PPP1R2: variants seen among roughly 807,000 people sequenced by gnomAD.
PPP1R2 encodes the protein protein phosphatase inhibitor 2.
PPP1R2 carries 16 observed loss-of-function variants against 29.9 expected under a neutral mutation model. The ratio of observed to expected loss-of-function variants is 0.53; its 90% confidence interval spans 0.36 to 0.81. The LOEUF is 0.81. Among genes scored for constraint, PPP1R2 ranks in the 30% least tolerant of loss-of-function variants. PPP1R2 has a pLI of 0.00. For missense variants in PPP1R2, 197 were observed against 252.7 expected (o/e 0.78, Z 1.49); for synonymous variants, 76 against 91.5 (o/e 0.83, Z 0.96).
intron 1 of PPP1R2, among the ~76,000 whole-genome samples, chr3:195,537,781 A>G (rs1006408773): frequency 1.3e-5 from 2 of 152,154 alleles, no homozygotes; most frequent in African/African-American, 2.4e-5. Context: ...CAGAACACTA[A>G]CAGAAAAAAA....
At chr3:195,533,750 T>G (rs956109890) in intron 1 of PPP1R2, among the ~76,000 whole-genome samples, 1 of 152,242 alleles carries the variant, frequency 6.6e-6, no homozygotes, top group Non-Finnish European at 1.5e-5. Flanking sequence ...TTTTGTGAAG[T>G]GCCTTTTGTA....
intron 2 of PPP1R2, among the ~76,000 whole-genome samples, chr3:195,528,403 G>C (rs1371048891): frequency 2.0e-5 from 3 of 152,172 alleles, no homozygotes; most frequent in African/African-American, 7.2e-5. Context: ...TTGAGTTTCA[G>C]CATCTGTACC....
chr3:195,526,273 T>C (rs1718968342), intron 2 of PPP1R2, among the ~76,000 whole-genome samples: 1 of 152,010 alleles, frequency 6.6e-6, no homozygotes, highest in Admixed American at 6.6e-5. Context: ...ATTCTTTTTA[T>C]TTTTTGTAGA....
chr3:195,515,081 A>G lies in PPP1R2; in HGVS notation c.*1815T>C, dbSNP rs530717097. 5.6e-4 allele frequency: 165 copies of G among 295,926 alleles called. 2 individuals carry two copies. The highest frequency in any genetic ancestry group is 5.5e-3 in the South Asian group (156 of 28,344). The allele number at this position is 295,926 out of a possible 1,614,324, so 18.3% of individuals were successfully genotyped here. ...CAAGAAAACCAAAATCAGAGGGTGCATGAATATATGTGCACGCACATGTAC... is the reference window on the plus strand; with the variant it reads ...CAAGAAAACCAAAATCAGAGGGTGCGTGAATATATGTGCACGCACATGTAC... On this transcript the variant is annotated 3_prime_UTR_variant, in exon 6 of 6. Coordinates refer to ENST00000618156, the MANE Select transcript of PPP1R2 (RefSeq NM_006241.8).
intron 4 of PPP1R2, among the ~76,000 whole-genome samples, chr3:195,519,906 G>A (rs548952709): frequency 8.8e-5 from 10 of 113,110 alleles, no homozygotes; most frequent in African/African-American, 3.1e-4. Flanking sequence ...AACTTCCTTA[G>A]ATCAGAAAAT....
At chr3:195,535,002 G>T (rs1046116710) in intron 1 of PPP1R2, among the ~76,000 whole-genome samples, 3 of 152,140 alleles carry the variant, frequency 2.0e-5, no homozygotes, top group Non-Finnish European at 2.9e-5. Flanking sequence ...TCTAGATCGG[G>T]GGTCACAGAG....
intron 1 of PPP1R2, among the ~76,000 whole-genome samples, chr3:195,536,334 T>A (rs2108953018): frequency 6.6e-6 from 1 of 150,376 alleles, no homozygotes; most frequent in African/African-American, 2.4e-5. Context: ...GGATTATAGG[T>A]GTGAGACACC....
rs187354474 is a variant in PPP1R2 at position 195,527,425 on chromosome 3, G to A, written c.230+2369C>T. ...AGATCGTGCCACTGCTCTCCAGCCC[G>A]GGTGACAGAGTGAGACTCTGTCTCA... is the stretch of plus-strand genomic sequence containing the variant. On this transcript the variant is annotated intron_variant, in intron 2 of 5. Coordinates refer to ENST00000618156, the MANE Select transcript of PPP1R2 (RefSeq NM_006241.8). Among the ~76,000 whole-genome samples, 324 of 151,940 alleles carry A rather than the reference G, an allele frequency of 2.1e-3. 1 individual carries two copies. Among genetic ancestry groups the A allele is most frequent in the Admixed American group, 3.5e-3 (54 of 15,260 alleles).
rs915148158 is a variant in PPP1R2, at chr3:195,523,754, T to C, written c.341A>G (p.Tyr114Cys). ...LAAAEGLEPK[Y>C]RIQEQESSGE... is the part of the protein sequence containing the mutation. ...ACTGCTTTCTTGTTCCTGAATCCGATACTTTGGCTCCAAGCCTTCAGCTGC... is the reference window on the plus strand; with the variant it reads ...ACTGCTTTCTTGTTCCTGAATCCGACACTTTGGCTCCAAGCCTTCAGCTGC... The change falls in exon 4 of 6, where the codon TAT (tyrosine) becomes TGT (cysteine). Residue 114 changes from tyrosine to cysteine, a missense_variant. This residue lies in a region of PPP1R2 where 135 missense variants were observed against 163.0 expected (regional missense o/e 0.83). Coordinates refer to ENST00000618156, the MANE Select transcript of PPP1R2 (RefSeq NM_006241.8). 3.7e-6 allele frequency: 6 copies of C among 1,614,088 alleles called. No homozygotes were observed. The African/African-American group carries it at 5.3e-5, about 14-fold the overall frequency.
At chr3:195,537,196 G>A (rs1719421352) in intron 1 of PPP1R2, among the ~76,000 whole-genome samples, 1 of 93,930 alleles carries the variant, frequency 1.1e-5, no homozygotes, top group South Asian at 4.5e-4. Context: ...AGTATATGTA[G>A]TATAAGTTGC....
chr3:195,537,484 TGTGTGTGTGTGTGTG>T, intron 1 of PPP1R2, among the ~76,000 whole-genome samples: 2 of 117,950 alleles, frequency 1.7e-5, no homozygotes, highest in East Asian at 7.4e-4. Context: ...TTAGCTATTG[TGTGTGTGTGTGTGTG>T]TGTGTGTGTG....
chr3:195,543,268 G>A lies in PPP1R2; in HGVS notation c.-243C>T, dbSNP rs992503019. 4 of 405,568 alleles carry A rather than the reference G, an allele frequency of 9.9e-6. No homozygotes were observed. Among genetic ancestry groups the A allele is most frequent in the Non-Finnish European group, 1.7e-5 (4 of 233,086 alleles). The allele number at this position is 405,568 out of a possible 1,614,324, so 25.1% of individuals were successfully genotyped here. On this transcript the variant is annotated 5_prime_UTR_variant, in exon 1 of 6. Transcript: ENST00000618156. ...CCTTAGCCACTGGCACTTGACCCGC[G>A]GCTCGCGGAGAGACGCCGGCCTAGA...
At chr3:195,524,935 T>A (rs375047226) in intron 2 of PPP1R2, 39 bp from the exon 3 acceptor site, 1 of 1,551,870 alleles carries the variant, frequency 6.4e-7, no homozygotes, top group Admixed American at 1.7e-5. Flanking sequence ...ACCTGAAACA[T>A]ACATTTTCAG....
chr3:195,529,995 T>G (rs1275055057), intron 1 of PPP1R2, 94 bp from the exon 2 acceptor site: 4 of 864,214 alleles, frequency 4.6e-6, no homozygotes, highest in Non-Finnish European at 7.2e-6. Context: ...CATTTCAACT[T>G]CTATTTGATG....
intron 5 of PPP1R2, 127 bp from the exon 6 acceptor site, chr3:195,517,069 T>C (rs996694021): frequency 5.9e-5 from 42 of 715,044 alleles, no homozygotes; most frequent in Middle Eastern, 2.4e-4. Flanking sequence ...GTATATTTCA[T>C]GTAGGCTGAT....
chr3:195,516,870 C>T lies in PPP1R2; in HGVS notation c.*26G>A. 1 of 1,600,614 alleles carries T rather than the reference C, an allele frequency of 6.2e-7. No individual in the cohort carries two copies. Among genetic ancestry groups the T allele is most frequent in the Non-Finnish European group, 8.6e-7 (1 of 1,168,280 alleles). On this transcript the variant is annotated 3_prime_UTR_variant, in exon 6 of 6. Coordinates refer to ENST00000618156, the MANE Select transcript of PPP1R2 (RefSeq NM_006241.8). ...AGTCACAGGGTTTACATCTAACAAA[C>T]AATTGCAGTGTTGAACAAATCTCGT...
chr3:195,523,706 G>A lies in PPP1R2; in HGVS notation c.389C>T (p.Ser130Leu), dbSNP rs763842417. ...ESSGEEDSDL[S>L]PEEREKKRQF... is the part of the protein sequence containing the mutation. ...AAATAAACTACCTCGTTCTTCAGGT[G>A]AGAGGTCACTATCCTCCTCTCCACT... The change falls in exon 4 of 6, where the codon TCA becomes TTA. Residue 130 changes from serine (S) to leucine (L), a missense_variant. Around this residue, in one of 3 missense-constraint regions of PPP1R2, gnomAD observed 135 missense variants for 163.0 expected, o/e 0.83. Coordinates refer to ENST00000618156, the MANE Select transcript of PPP1R2 (RefSeq NM_006241.8). The A allele has an allele frequency of 3.1e-6, 5 of 1,613,778 alleles. No individual in the cohort carries two copies. Among genetic ancestry groups the A allele is most frequent in the East Asian group, 2.2e-5 (1 of 44,882 alleles).
At chr3:195,536,788 C>CAAAAAA (rs10717955) in intron 1 of PPP1R2, among the ~76,000 whole-genome samples, 15 of 72,404 alleles carry the variant, frequency 2.1e-4, no homozygotes, top group Non-Finnish European at 3.7e-4. Context: ...AACTCCGTCT[C>CAAAAAA]AAAAAAAAAA....
intron 1 of PPP1R2, among the ~76,000 whole-genome samples, chr3:195,535,841 C>T (rs751755379): frequency 4.6e-5 from 7 of 152,008 alleles, no homozygotes; most frequent in African/African-American, 7.3e-5. Context: ...TTAAGAGAAA[C>T]GAAAAAGCAC....
Sources: gnomAD v4.1 joint callset for allele counts (sites outside exome capture counted in the v4.1 genomes callset) on GRCh38, gnomAD v4.1.1 for gene constraint, gnomAD v4.1.1 regional missense constraint, MANE v1.5 for transcripts, NCBI Gene and HGNC (gene_info 2026-07-23, HGNC 2026-07-21) for gene names.